PGLYRP2: variants seen among roughly 807,000 people sequenced by gnomAD.
The protein encoded by PGLYRP2 is N-acetylmuramoyl-L-alanine amidase.
A neutral mutation model predicts 46.2 loss-of-function variants in PGLYRP2; 38 were observed. That is an observed-to-expected ratio of 0.82 (90% confidence interval 0.64 to 1.08). The LOEUF is 1.08. Ranked by LOEUF, PGLYRP2 falls within the 50% of genes least tolerant of loss-of-function variation. The pLI is 0.00. For synonymous variants in PGLYRP2, 289 were observed against 329.4 expected (o/e 0.88, Z 1.33); for missense variants, 713 against 755.9 (o/e 0.94, Z 0.67).
At chr19:15,473,892 G>A (rs1970772561) in intron 2 of PGLYRP2, among the ~76,000 whole-genome samples, 1 of 151,760 alleles carries the variant, frequency 6.6e-6, no homozygotes, top group African/African-American at 2.4e-5. Flanking sequence ...CTAAAAAGCG[G>A]GCAAAAGACA....
chr19:15,474,533 A>G (rs1970777195), intron 2 of PGLYRP2, among the ~76,000 whole-genome samples: 1 of 152,190 alleles, frequency 6.6e-6, no homozygotes, highest in Non-Finnish European at 1.5e-5. Context: ...GTCCATCAAA[A>G]GAGAATTGGA....
At chr19:15,473,470 CAAAAAAAAAAAAAAAAAAAAAAA>C (rs56053684) in intron 2 of PGLYRP2, among the ~76,000 whole-genome samples, 4 of 36,460 alleles carry the variant, frequency 1.1e-4, no homozygotes, top group Admixed American at 5.6e-4. Flanking sequence ...AACTCTGTCT[CAAAAAAAAAAAAAAAAAAAAAAA>C]AAAAAAAAAA....
At position 15,468,726 on chromosome 19, in the gene PGLYRP2, A is replaced by C. The variant is rs775595527; in HGVS notation, c.1668T>G (p.Ser556Arg). 20 of 1,611,918 alleles carry C rather than the reference A, an allele frequency of 1.2e-5. No individual in the cohort carries two copies. Among genetic ancestry groups the C allele is most frequent in the Non-Finnish European group, 1.7e-5 (20 of 1,179,106 alleles). Reference protein sequence around the residue: ...TATVKPRPARSVSKRSRREPP... With the variant: ...TATVKPRPARRVSKRSRREPP... ...GCTCCCTCCTGGATCTCTTAGAGAC[A>C]CTCCTGGCAGGTCTTGGCTTAACAG... Residue 556 changes from serine (S) to arginine (R), a missense_variant, in exon 5 of 5, where the codon AGT becomes AGG. By Grantham distance (110) the Ser-to-Arg change is moderately radical. Coordinates refer to ENST00000340880, the MANE Select transcript of PGLYRP2 (RefSeq NM_052890.4).
chr19:15,472,215 G>A, intron 2 of PGLYRP2, 115 bp from the exon 3 acceptor site: 2 of 849,398 alleles, frequency 2.4e-6, no homozygotes, highest in Non-Finnish European at 3.6e-6. Context: ...ATTTGGAAAG[G>A]GTCCAGTCTC....
Position 15,475,697 on chromosome 19 carries a change from C to T in PGLYRP2, c.973G>A (p.Ala325Thr), listed in dbSNP as rs1186323864. 1.2e-6 allele frequency: 2 copies of T among 1,614,154 alleles called. No homozygotes were observed. The highest frequency in any genetic ancestry group is 8.5e-7 in the Non-Finnish European group (1 of 1,180,020). ...RSNFRRQNGA[A>T]LTSASILAQQ... ...GCCAGGATGGAGGCTGAAGTCAGAG[C>T]AGCACCGTTCTGCCGTCGGAAGTTG... Residue 325 changes from alanine (A) to threonine (T), a missense_variant, in exon 2 of 5, where the codon GCT becomes ACT. Ala to Thr is a moderately conservative substitution (Grantham distance 58, BLOSUM62 0). Coordinates refer to ENST00000340880, the MANE Select transcript of PGLYRP2 (RefSeq NM_052890.4).
chr19:15,469,814 T>A lies in PGLYRP2; in HGVS notation c.1459A>T (p.Thr487Ser), dbSNP rs1970727299. 1 of 1,526,324 alleles carries A rather than the reference T, an allele frequency of 6.6e-7. No homozygotes were observed. Among genetic ancestry groups the A allele is most frequent in the East Asian group, 2.6e-5 (1 of 38,488 alleles). The allele number at this position is 1,526,324 out of a possible 1,614,324, so 94.5% of individuals were successfully genotyped here. ...GFGVAIVGNY[T>S]AALPTEAALR... is the part of the protein sequence containing the mutation. ...GCGGCCTCGGTGGGCAGCGCCGCGG[T>A]GTAGTTGCCCACTATGGCCACGCCG... Residue 487 changes from threonine (T) to serine (S), a missense_variant, in exon 4 of 5, where the codon ACC becomes TCC. Thr to Ser is a moderately conservative substitution (Grantham distance 58, BLOSUM62 1). Coordinates refer to ENST00000340880, the MANE Select transcript of PGLYRP2 (RefSeq NM_052890.4). This position sits in a 1 kb window ranked among gnomAD's most constrained non-coding sequence, Gnocchi z 4.9.
chr19:15,478,946 ACT>A (rs775282927), intron 1 of PGLYRP2, among the ~76,000 whole-genome samples: 1 of 151,588 alleles, frequency 6.6e-6, no homozygotes, highest in Non-Finnish European at 1.5e-5. Flanking sequence ...TACTCGACAC[ACT>A]CTCCTGGTCT....
Position 15,479,348 on chromosome 19 carries a change from G to T in PGLYRP2, c.24C>A (p.Ile8=). ...CTGACCACAGTAGCAATCCGAGTAG[G>T]ATCCAGAGGACACCCTGGGCCATTG... MAQGVLW[I]LLGLLLWSDP... The change falls in exon 1 of 5, where the codon ATC becomes ATA. Residue 8 remains isoleucine (I), a synonymous_variant. Coordinates refer to ENST00000340880, the MANE Select transcript of PGLYRP2 (RefSeq NM_052890.4). The T allele has an allele frequency of 6.2e-7, 1 of 1,614,096 alleles. No homozygotes were observed. The highest frequency in any genetic ancestry group is 1.6e-4 in the Middle Eastern group (1 of 6,062).
intron 1 of PGLYRP2, among the ~76,000 whole-genome samples, chr19:15,478,822 A>G (rs1191098955): frequency 6.6e-6 from 1 of 151,982 alleles, no homozygotes; most frequent in Non-Finnish European, 1.5e-5. Flanking sequence ...GGGTTTCACC[A>G]TGTTGGCCAG....
chr19:15,476,477 G>T lies in PGLYRP2; in HGVS notation c.193C>A (p.Arg65Ser). 7 of 1,614,176 alleles carry T rather than the reference G, an allele frequency of 4.3e-6. No individual in the cohort carries two copies. Among genetic ancestry groups the T allele is most frequent in the Non-Finnish European group, 5.1e-6 (6 of 1,180,040 alleles). ...GCCCCCAGCAGGAAGTGGTAGAGGCGATTGTGGGGGCCAGAGTTTGGAGCT... is the reference window on the plus strand; with the variant it reads ...GCCCCCAGCAGGAAGTGGTAGAGGCTATTGTGGGGGCCAGAGTTTGGAGCT... ...MSAPNSGPHN[R>S]LYHFLLGAWS... Residue 65 changes from arginine to serine, a missense_variant, in exon 2 of 5, where the codon CGC becomes AGC. Coordinates refer to ENST00000340880, the MANE Select transcript of PGLYRP2 (RefSeq NM_052890.4).
In PGLYRP2 at chr19:15,469,525, G is replaced by T; in HGVS notation, c.1641+107C>A. ...GTGCCGCCGGGAAGTTGGGGGCCTG[G>T]CTGAGGCTGTGCGGGCACAGCTGTT... On this transcript the variant is annotated intron_variant, in intron 4 of 4. Coordinates refer to ENST00000340880, the MANE Select transcript of PGLYRP2 (RefSeq NM_052890.4). The surrounding 1 kb of genome is among the most constrained non-coding windows in gnomAD (Gnocchi z 4.9). The T allele has an allele frequency of 1.4e-6, 2 of 1,457,328 alleles. No individual in the cohort carries two copies. Among genetic ancestry groups the T allele is most frequent in the Non-Finnish European group, 1.9e-6 (2 of 1,073,836 alleles). The allele number at this position is 1,457,328 out of a possible 1,614,324, so 90.3% of individuals were successfully genotyped here. A position where few individuals can be genotyped will look rare whatever the true frequency, so the allele number is the denominator to read the frequency against.
Position 15,470,293 on chromosome 19 carries a change from CTTCT to C in PGLYRP2, c.1344-368_1344-365del, listed in dbSNP as rs55661645. On this transcript the variant is annotated intron_variant, in intron 3 of 4. Transcript: ENST00000340880. ...CCTTCCTTCCTTCCTTCCTTCCTTC[CTTCT>C]TTCTTTCTTTCTTTTTTTGATGGAG... Among the ~76,000 whole-genome samples the C allele has an allele frequency of 7.7e-4, 78 of 101,852 alleles. 2 individuals carry two copies. Among genetic ancestry groups the C allele is most frequent in the South Asian group, 2.0e-3 (6 of 2,982 alleles). 66.8% of individuals were successfully genotyped at this position (101,852 alleles called of 152,430 possible).
chr19:15,475,861 A>T lies in PGLYRP2; in HGVS notation c.809T>A (p.Met270Lys), dbSNP rs892145. ...ATCCAGGGCGCCATTGAGGAAGGCC[A>T]TGGTTAACAGAGATGCCTTGGGGTC... ...LLDPKASLLT[M>K]AFLNGALDGV... Residue 270 changes from methionine (M) to lysine (K), a missense_variant, in exon 2 of 5, where the codon ATG becomes AAG. Met to Lys is a moderately conservative substitution (Grantham distance 95). Transcript: ENST00000340880. The T allele has an allele frequency of 0.37, 600,865 of 1,613,702 alleles. 112,897 individuals are homozygous for T. Among genetic ancestry groups the T allele is most frequent in the African/African-American group, 0.4 (29,904 of 74,916 alleles).
intron 3 of PGLYRP2, among the ~76,000 whole-genome samples, chr19:15,470,932 C>T (rs1261435325): frequency 6.6e-6 from 1 of 151,956 alleles, no homozygotes. Flanking sequence ...GCGTTAGCCA[C>T]CGCTCCCGGC....
intron 1 of PGLYRP2, among the ~76,000 whole-genome samples, chr19:15,478,452 A>G (rs1188362782): frequency 6.6e-6 from 1 of 152,244 alleles, no homozygotes; most frequent in Non-Finnish European, 1.5e-5. Flanking sequence ...CAGAACTGCA[A>G]GAAAGTAAAT....
intron 2 of PGLYRP2, among the ~76,000 whole-genome samples, chr19:15,475,218 G>A (rs1371353442): frequency 6.6e-6 from 1 of 152,146 alleles, no homozygotes; most frequent in Non-Finnish European, 1.5e-5. Flanking sequence ...ATGGGTGGAT[G>A]TATGTTATTG....
intron 2 of PGLYRP2, 118 bp downstream of exon 2, chr19:15,475,420 A>G (rs1970784151): frequency 2.0e-6 from 2 of 1,022,344 alleles, no homozygotes; most frequent in East Asian, 2.4e-5. Context: ...CCCACCCCCG[A>G]CCAGATCCCT....
intron 1 of PGLYRP2, among the ~76,000 whole-genome samples, chr19:15,478,842 G>C (rs548030486): frequency 6.6e-6 from 1 of 151,886 alleles, no homozygotes; most frequent in Non-Finnish European, 1.5e-5. Context: ...GGCTGGTCTC[G>C]ATCTCCTGAT....
intron 3 of PGLYRP2, among the ~76,000 whole-genome samples, chr19:15,471,103 CTTTTTTTTTTTTTT>C (rs71176418): frequency 2.5e-5 from 2 of 79,426 alleles, no homozygotes; most frequent in Admixed American, 1.5e-4. Flanking sequence ...CCATGCCCAG[CTTTTTTTTTTTTTT>C]TTTTTTTTTT....
Sources: gnomAD v4.1 joint callset for allele counts (sites outside exome capture counted in the v4.1 genomes callset) on GRCh38, gnomAD v4.1.1 for gene constraint, Gnocchi (gnomAD v3.1) non-coding constraint, MANE v1.5 for transcripts, NCBI Gene and HGNC (gene_info 2026-07-23, HGNC 2026-07-21) for gene names.